The following DNAJC6 variants were observed in gnomAD, a reference collection of about 807,000 sequenced individuals.
DNAJC6 encodes auxilin.
DNAJC6 carries 34 observed loss-of-function variants against 110.0 expected under a neutral mutation model. That is an observed-to-expected ratio of 0.31 (90% CI 0.24 to 0.41). DNAJC6 has a LOEUF of 0.41. Ranked by LOEUF, DNAJC6 falls within the 10% of genes least tolerant of loss-of-function variation. The probability of loss-of-function intolerance (pLI) is 1.00; values close to 1 mark genes in which losing one functional copy is unlikely to be tolerated. For synonymous variants in DNAJC6, 406 were observed against 437.2 expected, an observed-to-expected ratio of 0.93 and a Z score of 0.89; for missense variants, 1,031 against 1,207.8, an observed-to-expected ratio of 0.85 and a Z score of 2.17.
intron 1 of DNAJC6, among the ~76,000 whole-genome samples, chr1:65,354,236 A>G (rs1433956277): frequency 2.6e-5 from 4 of 152,168 alleles, no homozygotes; most frequent in Admixed American, 1.3e-4. Flanking sequence ...CATGAGAGAC[A>G]AAAAGTACCT....
chr1:65,366,117 T>C lies in DNAJC6; in HGVS notation c.464T>C (p.Leu155Ser). 1 of 1,613,926 alleles carries C rather than the reference T, an allele frequency of 6.2e-7. No individual in the cohort carries two copies. The highest frequency in any genetic ancestry group is 8.5e-7 in the Non-Finnish European group (1 of 1,179,856). ...CAGGTTGATGACATTCGAAGCTTTT[T>C]GGATTCCAGACATCTTGACCACTAC... is the stretch of plus-strand genomic sequence containing the variant. The part of the protein sequence containing the change: ...RNQVDDIRSF[L>S]DSRHLDHYTV... The change falls in exon 4 of 19, where the codon TTG (leucine) becomes TCG (serine). Residue 155 changes from leucine to serine, a missense_variant. Leu to Ser is a moderately radical substitution (Grantham distance 145). Transcript: ENST00000371069.
intron 1 of DNAJC6, among the ~76,000 whole-genome samples, chr1:65,324,160 T>G (rs1234339313): frequency 6.6e-6 from 1 of 151,744 alleles, no homozygotes; most frequent in Non-Finnish European, 1.5e-5. Context: ...GTTCATAAGT[T>G]TTTTCTCTTT....
chr1:65,411,471 T>C (rs772259554), intron 18 of DNAJC6, 45 bp downstream of exon 18: 96 of 1,565,342 alleles, frequency 6.1e-5, no homozygotes, highest in South Asian at 2.2e-4. Context: ...GGTCCTTGCT[T>C]CATTATCTTA....
At chr1:65,403,625 T>A (rs146397269) in intron 15 of DNAJC6, among the ~76,000 whole-genome samples, 12 of 152,344 alleles carry the variant, frequency 7.9e-5, no homozygotes, top group African/African-American at 2.9e-4. Flanking sequence ...TGGAGCATTT[T>A]TTAAAAAGCT....
chr1:65,368,665 C>T (rs1645673690), intron 4 of DNAJC6, among the ~76,000 whole-genome samples: 1 of 149,708 alleles, frequency 6.7e-6, no homozygotes. Context: ...TTCCTCCTTC[C>T]TTCCTCTCTC....
chr1:65,385,378 A>T (rs1645861335), intron 6 of DNAJC6, among the ~76,000 whole-genome samples: 1 of 152,300 alleles, frequency 6.6e-6, no homozygotes, highest in African/African-American at 2.4e-5. Context: ...AAATTCTAAA[A>T]TTTATCCAAA....
At chr1:65,353,781 A>C (rs1479318723) in intron 1 of DNAJC6, among the ~76,000 whole-genome samples, 11 of 152,064 alleles carry the variant, frequency 7.2e-5, no homozygotes, top group Non-Finnish European at 1.3e-4. Flanking sequence ...TTTACAATAA[A>C]GCGCATGTTG....
chr1:65,310,535 T>G lies in DNAJC6; in HGVS notation c.193+597T>G, dbSNP rs532172571. On this transcript the variant is annotated intron_variant, in intron 1 of 18. Coordinates refer to ENST00000371069, the MANE Select transcript of DNAJC6 (RefSeq NM_001256864.2). Reference sequence around the variant, plus strand: ...GCTCTTTTACACAGCTTTTACTGTTTGCACAATGAAATTTATTTCATGTGT... The same window carrying G: ...GCTCTTTTACACAGCTTTTACTGTTGGCACAATGAAATTTATTTCATGTGT... Among the ~76,000 whole-genome samples, 6 of 152,316 alleles carry G rather than the reference T, an allele frequency of 3.9e-5. 1 individual carries two copies. The Middle Eastern group carries it at 0.017, about 432-fold the overall frequency.
At chr1:65,410,374 A>G (rs887139615) in intron 17 of DNAJC6, among the ~76,000 whole-genome samples, 26 of 152,190 alleles carry the variant, frequency 1.7e-4, no homozygotes, top group African/African-American at 5.1e-4. Context: ...CACTCCACCC[A>G]ATGTCACAGA....
At chr1:65,318,473 G>A (rs960852948) in intron 1 of DNAJC6, among the ~76,000 whole-genome samples, 3 of 152,066 alleles carry the variant, frequency 2.0e-5, no homozygotes, top group Non-Finnish European at 4.4e-5. Context: ...ACTGTGATCT[G>A]GCTGCATCAG....
chr1:65,292,339 T>G (rs1364293868), intron 1 of DNAJC6, among the ~76,000 whole-genome samples: 1 of 151,938 alleles, frequency 6.6e-6, no homozygotes, highest in East Asian at 1.9e-4. Context: ...TTTTGTTTTT[T>G]TTTTTTAATG....
At chr1:65,345,692 A>T in intron 1 of DNAJC6, 1 of 985,014 alleles carries the variant, frequency 1.0e-6, no homozygotes, top group Admixed American at 6.1e-5. Context: ...GTCTGAAGAG[A>T]GGGTAGGAAC....
At chr1:65,369,802 C>G (rs1645688263) in intron 4 of DNAJC6, among the ~76,000 whole-genome samples, 1 of 152,184 alleles carries the variant, frequency 6.6e-6, no homozygotes, top group African/African-American at 2.4e-5. Flanking sequence ...TTTCGATTCA[C>G]TTTTATGCTT....
At chr1:65,313,140 C>T (rs1309724182) in intron 1 of DNAJC6, among the ~76,000 whole-genome samples, 1 of 152,044 alleles carries the variant, frequency 6.6e-6, no homozygotes, top group Non-Finnish European at 1.5e-5. Flanking sequence ...GCAGTCTGGA[C>T]CTCCTGGGCT....
chr1:65,347,622 A>G (rs1645449427), intron 1 of DNAJC6, among the ~76,000 whole-genome samples: 1 of 152,238 alleles, frequency 6.6e-6, no homozygotes, highest in African/African-American at 2.4e-5. Context: ...TTTATATCTG[A>G]ATGAAACCTT....
At chr1:65,290,593 T>C (rs1644861518) in intron 1 of DNAJC6, among the ~76,000 whole-genome samples, 1 of 152,228 alleles carries the variant, frequency 6.6e-6, no homozygotes, top group Admixed American at 6.5e-5. Flanking sequence ...ACAAACTATC[T>C]ATGTGATCTT....
At position 65,375,338 on chromosome 1, in the gene DNAJC6, G is replaced by A. The variant is rs61781381; in HGVS notation, c.544-4064G>A. On this transcript the variant is annotated intron_variant, in intron 4 of 18. Coordinates refer to ENST00000371069, the MANE Select transcript of DNAJC6 (RefSeq NM_001256864.2). ...TTTCAGCATCTATTGAAATAATCACGTATTTTTTGTTCTTGATTCTATTCA... is the reference window on the plus strand; with the variant it reads ...TTTCAGCATCTATTGAAATAATCACATATTTTTTGTTCTTGATTCTATTCA... Among the ~76,000 whole-genome samples the A allele has an allele frequency of 3.1e-3, 465 of 151,826 alleles. 1 individual carries two copies. Among genetic ancestry groups the A allele is most frequent in the East Asian group, 9.7e-3 (50 of 5,146 alleles).
rs188926480 is a variant in DNAJC6, at chr1:65,411,799, G to A, written c.2811+373G>A. On this transcript the variant is annotated intron_variant, in intron 18 of 18. Coordinates refer to ENST00000371069, the MANE Select transcript of DNAJC6 (RefSeq NM_001256864.2). Reference sequence around the variant, plus strand: ...AGCCTGGGCAACATGACAAAACCCCGTCCCTACAAAAAAAATAAAAAAATT... The same window carrying A: ...AGCCTGGGCAACATGACAAAACCCCATCCCTACAAAAAAAATAAAAAAATT... 1.4e-3 allele frequency among the ~76,000 whole-genome samples: 211 copies of A among 151,770 alleles called. 1 individual carries two copies. The highest frequency in any genetic ancestry group is 4.7e-3 in the African/African-American group (194 of 41,346).
chr1:65,281,281 A>C (rs1361850637), intron 1 of DNAJC6, among the ~76,000 whole-genome samples: 2 of 152,138 alleles, frequency 1.3e-5, no homozygotes, highest in African/African-American at 4.8e-5. Context: ...TTTAAAATTG[A>C]GATATAATTC....
Sources: allele counts gnomAD v4.1 joint callset (sites outside exome capture counted in the v4.1 genomes callset), GRCh38; gene constraint gnomAD v4.1.1; transcripts MANE v1.5; gene names NCBI Gene and HGNC (gene_info 2026-07-23, HGNC 2026-07-21).